PRKAG2: variants seen among roughly 807,000 people sequenced by gnomAD.
The protein encoded by PRKAG2 is 5'-AMP-activated protein kinase subunit gamma-2.
In PRKAG2, 26 loss-of-function variants were observed where a neutral mutation model predicts 69.6. The observed-to-expected ratio is 0.37, with a 90% CI of 0.27 to 0.52. The LOEUF (loss-of-function observed/expected upper bound fraction) is 0.52, where lower values mean the gene tolerates loss of function less well. Among genes scored for constraint, PRKAG2 ranks in the 20% least tolerant of loss-of-function variants. The pLI is 0.90. For missense variants in PRKAG2, 557 were observed against 740.0 expected, an observed-to-expected ratio of 0.75 and a Z score of 2.87; for synonymous variants, 293 against 285.0, an observed-to-expected ratio of 1.03 and a Z score of -0.28.
intron 5 of PRKAG2, among the ~76,000 whole-genome samples, chr7:151,596,459 T>C (rs146948613): frequency 1.5e-3 from 232 of 152,234 alleles, no homozygotes; most frequent in African/African-American, 4.2e-3. Flanking sequence ...GATGAAAGAA[T>C]TGAAGCAGAC....
intron 1 of PRKAG2, among the ~76,000 whole-genome samples, chr7:151,849,741 C>G (rs925101631): frequency 1.3e-5 from 2 of 152,140 alleles, no homozygotes; most frequent in Non-Finnish European, 2.9e-5. Context: ...CCATGGCCTG[C>G]TCCCCACGGG....
At chr7:151,848,616 C>A (rs1387575536) in intron 1 of PRKAG2, among the ~76,000 whole-genome samples, 1 of 149,432 alleles carries the variant, frequency 6.7e-6, no homozygotes, top group Non-Finnish European at 1.5e-5. Flanking sequence ...CCTCCACCTC[C>A]CATGTTCAAG....
In PRKAG2 at chr7:151,675,308, G is replaced by C. The variant is rs780130131; in HGVS notation, c.684+112C>G. 7 of 1,026,798 alleles carry C rather than the reference G, an allele frequency of 6.8e-6. No individual in the cohort carries two copies. In the East Asian group the frequency reaches 1.8e-4, roughly 26 times the overall value. The allele number at this position is 1,026,798 out of a possible 1,614,324, so 63.6% of individuals were successfully genotyped here. A position where few individuals can be genotyped will look rare whatever the true frequency, so the allele number is the denominator to read the frequency against. Reference sequence around the variant, plus strand: ...TGGTACAATATCCTGAAGATGTCGGGAGCACACGACCTCAGCCTCGGCTGC... The same window carrying C: ...TGGTACAATATCCTGAAGATGTCGGCAGCACACGACCTCAGCCTCGGCTGC... On this transcript the variant is annotated intron_variant, in intron 4 of 15. Transcript: ENST00000287878.
intron 5 of PRKAG2, among the ~76,000 whole-genome samples, chr7:151,623,132 T>C (rs1585296062): frequency 6.6e-6 from 1 of 152,004 alleles, no homozygotes; most frequent in South Asian, 2.1e-4. Context: ...TTTGGGAGGC[T>C]GAGGCAGGCA....
intron 15 of PRKAG2, chr7:151,559,314 C>G (rs1018661982): frequency 1.0e-6 from 1 of 984,076 alleles, no homozygotes; most frequent in Non-Finnish European, 1.2e-6. Context: ...TTGGATTATT[C>G]CCAGTTTTAT....
In PRKAG2 at chr7:151,851,812, C is replaced by T. The variant is rs375541899; in HGVS notation, c.114+24695G>A. Among the ~76,000 whole-genome samples, 4 of 152,106 alleles carry T rather than the reference C, an allele frequency of 2.6e-5. No individual in the cohort carries two copies. In the East Asian group the frequency reaches 5.8e-4, roughly 22 times the overall value. ...AAAATGCCTTACTCTGTATCATCAT[C>T]GTCTATGAAATGTGCACGTCCTCAC... On this transcript the variant is annotated intron_variant, in intron 1 of 15. Coordinates refer to ENST00000287878, the MANE Select transcript of PRKAG2 (RefSeq NM_016203.4).
intron 4 of PRKAG2, among the ~76,000 whole-genome samples, chr7:151,654,542 A>G (rs1289154797): frequency 2.0e-5 from 3 of 152,364 alleles, no homozygotes; most frequent in East Asian, 1.9e-4. Context: ...TACCTGAGCC[A>G]AACCATATAG....
chr7:151,697,217 C>T (rs1398383619), intron 3 of PRKAG2, among the ~76,000 whole-genome samples: 2 of 152,140 alleles, frequency 1.3e-5, no homozygotes, highest in East Asian at 3.9e-4. Context: ...GAGCTGCACA[C>T]CCTGGGGTGG....
chr7:151,578,367 C>G (rs1563175507), intron 6 of PRKAG2, among the ~76,000 whole-genome samples: 1 of 152,072 alleles, frequency 6.6e-6, no homozygotes, highest in Non-Finnish European at 1.5e-5. Context: ...AACAAATGAA[C>G]AAACAAAACA....
intron 4 of PRKAG2, among the ~76,000 whole-genome samples, chr7:151,662,595 T>C (rs1307271329): frequency 1.3e-5 from 2 of 152,220 alleles, no homozygotes; most frequent in African/African-American, 2.4e-5. Flanking sequence ...CTCTAGCCTG[T>C]TACTAGAGTA....
rs558899859 is a variant in PRKAG2 at position 151,851,196 on chromosome 7, C to T, written c.114+25311G>A. ...ATGCCAGAGTTCAGCGTGGCTCTGA[C>T]ATTACATTGGTGCCTCTTGCTGGGA... On this transcript the variant is annotated intron_variant, in intron 1 of 15. Transcript: ENST00000287878. Among the ~76,000 whole-genome samples the T allele has an allele frequency of 7.9e-5, 12 of 152,252 alleles. No homozygotes were observed. In the South Asian group the frequency reaches 1.9e-3, roughly 24 times the overall value.
At chr7:151,854,923 C>A (rs2079666717) in intron 1 of PRKAG2, among the ~76,000 whole-genome samples, 1 of 151,816 alleles carries the variant, frequency 6.6e-6, no homozygotes, top group Non-Finnish European at 1.5e-5. Flanking sequence ...AGCACACACA[C>A]CACTTTACAC....
rs151173597 is a variant in PRKAG2, at chr7:151,761,376, A to G, written c.466+19776T>C. 8.9e-3 allele frequency among the ~76,000 whole-genome samples: 1,353 copies of G among 152,290 alleles called. 78 individuals carry two copies. Among genetic ancestry groups the G allele is most frequent in the Admixed American group, 0.081 (1,245 of 15,292 alleles). On this transcript the variant is annotated intron_variant, in intron 3 of 15. Coordinates refer to ENST00000287878, the MANE Select transcript of PRKAG2 (RefSeq NM_016203.4). The stretch of plus-strand genomic sequence containing the variant: ...GTAACTTCCCCAATTACTCCTGTAG[A>G]TAACATCACTATTAGAGAACCTAAG...
chr7:151,724,663 G>C (rs1374788143), intron 3 of PRKAG2, among the ~76,000 whole-genome samples: 1 of 151,900 alleles, frequency 6.6e-6, no homozygotes, highest in East Asian at 1.9e-4. Context: ...AAAGGACCCT[G>C]TGCTCTCGGA....
At chr7:151,611,762 A>G (rs941858785) in intron 5 of PRKAG2, among the ~76,000 whole-genome samples, 6 of 152,296 alleles carry the variant, frequency 3.9e-5, no homozygotes, top group Middle Eastern at 3.4e-3. Context: ...ATGGTAAAAA[A>G]GCAGTCTCGG....
intron 5 of PRKAG2, among the ~76,000 whole-genome samples, chr7:151,615,222 C>G (rs1418362209): frequency 6.6e-6 from 1 of 152,148 alleles, no homozygotes; most frequent in Admixed American, 6.5e-5. Flanking sequence ...CTTTTTTATG[C>G]CTATATAGTA....
At chr7:151,718,171 G>A (rs113842229) in intron 3 of PRKAG2, among the ~76,000 whole-genome samples, 12 of 152,238 alleles carry the variant, frequency 7.9e-5, no homozygotes, top group Admixed American at 3.9e-4. Flanking sequence ...ATTTTCTTAC[G>A]GTTCTGGGGG....
Position 151,632,290 on chromosome 7 carries a change from C to T in PRKAG2, c.685-152G>A. On this transcript the variant is annotated intron_variant, in intron 4 of 15. Transcript: ENST00000287878. The surrounding 1 kb of genome is among the most constrained non-coding windows in gnomAD (Gnocchi z 4.2). ...GGACGCGGGCAGCGGGGGCCGGGGG[C>T]GGAGCGGGAGCGCTGCCCCCACCCG... The T allele has an allele frequency of 1.0e-6, 1 of 967,970 alleles. No homozygotes were observed. The highest frequency in any genetic ancestry group is 1.2e-6 in the Non-Finnish European group (1 of 813,352). 60.0% of individuals were successfully genotyped at this position (967,970 alleles called of 1,614,324 possible).
chr7:151,865,741 C>G (rs183710070), intron 1 of PRKAG2, among the ~76,000 whole-genome samples: 15 of 152,122 alleles, frequency 9.9e-5, no homozygotes, highest in Non-Finnish European at 1.5e-5. Flanking sequence ...GAGAAGAGGC[C>G]GGGCGCAGTG....
Sources: allele counts gnomAD v4.1 joint callset (sites outside exome capture counted in the v4.1 genomes callset), GRCh38; gene constraint gnomAD v4.1.1; non-coding constraint Gnocchi (gnomAD v3.1); transcripts MANE v1.5; gene names NCBI Gene and HGNC (gene_info 2026-07-23, HGNC 2026-07-21).